Variants in DHX8 observed in about 807,000 individuals in gnomAD.
The protein encoded by DHX8 is DEAH-box helicase 8.
In DHX8, 67 loss-of-function variants were observed where a neutral mutation model predicts 140.7. The ratio of observed to expected loss-of-function variants is 0.48; its 90% CI spans 0.39 to 0.58. The LOEUF (loss-of-function observed/expected upper bound fraction) is 0.58. Ranked by LOEUF, DHX8 falls within the 20% of genes least tolerant of loss-of-function variation. The pLI is 0.00. For synonymous variants in DHX8, 533 were observed against 553.2 expected, an observed-to-expected ratio of 0.96 and a Z score of 0.51; for missense variants, 887 against 1,550.7, an observed-to-expected ratio of 0.57 and a Z score of 7.19.
At chr17:43,484,759 A>G (rs1968031745) in intron 1 of DHX8, among the ~76,000 whole-genome samples, 1 of 151,940 alleles carries the variant, frequency 6.6e-6, no homozygotes, top group South Asian at 2.1e-4. Context: ...CTCCCACCTC[A>G]GCCTCCCGAG....
chr17:43,529,762 G>C, downstream of DHX8: 1 of 1,591,344 alleles, frequency 6.3e-7, no homozygotes, highest in Non-Finnish European at 8.6e-7. Context: ...TTTCTCGAAG[G>C]GGTCTCCCCA....
Position 43,521,486 on chromosome 17 carries a change from T to A in DHX8, c.3184T>A (p.Cys1062Ser). ...GAACAACAAGTTCTCCAACCCATGG[T>A]GCTATGAGAACTTTATCCAGGCTCG... ...WKNNKFSNPW[C>S]YENFIQARSL... is the part of the protein sequence containing the mutation. The change falls in exon 21 of 23, where the codon TGC becomes AGC. Residue 1062 changes from cysteine (C) to serine (S), a missense_variant. Around this residue, in one of 9 missense-constraint regions of DHX8, gnomAD observed 101 missense variants for 168.2 expected, o/e 0.60. Coordinates refer to ENST00000262415, the MANE Select transcript of DHX8 (RefSeq NM_004941.3). 1 of 1,613,860 alleles carries A rather than the reference T, an allele frequency of 6.2e-7. No individual in the cohort carries two copies. Among genetic ancestry groups the A allele is most frequent in the African/African-American group, 1.3e-5 (1 of 74,942 alleles).
At chr17:43,526,373 T>A (rs998905452), downstream of DHX8, 39 of 1,482,568 alleles carry the variant, frequency 2.6e-5, no homozygotes, top group South Asian at 3.3e-4. Context: ...GTGTGCTGTT[T>A]GTGTATATGG....
chr17:43,531,030 A>G (rs2154587065), downstream of DHX8, among the ~76,000 whole-genome samples: 1 of 152,282 alleles, frequency 6.6e-6, no homozygotes, highest in South Asian at 2.1e-4. Context: ...GTCAGCGGCA[A>G]GAGTGCCTCC....
At chr17:43,543,413 C>A (rs1971632009) in intron 3 of DHX8, among the ~76,000 whole-genome samples, 1 of 152,044 alleles carries the variant, frequency 6.6e-6, no homozygotes, top group Non-Finnish European at 1.5e-5. Flanking sequence ...TTTTCCTCCC[C>A]CTCCCATCTC....
chr17:43,517,156 C>G lies in DHX8; in HGVS notation c.2644-11C>G. ...AACAGATATGTTGCTTTTATATGCC[C>G]ACCCCTCTAGGCTCAGGCAAAGCAA... is the stretch of plus-strand genomic sequence containing the variant. On this transcript the variant is annotated splice_polypyrimidine_tract_variant and intron_variant, in intron 17 of 22. Coordinates refer to ENST00000262415, the MANE Select transcript of DHX8 (RefSeq NM_004941.3). The G allele has an allele frequency of 6.2e-7, 1 of 1,606,190 alleles. No homozygotes were observed. Among genetic ancestry groups the G allele is most frequent in the Non-Finnish European group, 8.5e-7 (1 of 1,176,590 alleles).
chr17:43,536,298 G>A (rs571590201), intron 2 of DHX8: 20 of 806,936 alleles, frequency 2.5e-5, no homozygotes, highest in Non-Finnish European at 3.3e-5. Flanking sequence ...TTATTGCCTT[G>A]GTCTTTAAGA....
At chr17:43,540,448 G>A (rs1453117308) in intron 3 of DHX8, among the ~76,000 whole-genome samples, 1 of 152,174 alleles carries the variant, frequency 6.6e-6, no homozygotes, top group Non-Finnish European at 1.5e-5. Context: ...GTGAGACCCT[G>A]TCTCAAATAA....
chr17:43,520,050 A>C, intron 18 of DHX8, 80 bp from the exon 19 acceptor site: 1 of 1,531,764 alleles, frequency 6.5e-7, no homozygotes. Context: ...ATGGGAAATA[A>C]AGTAACAAGT....
chr17:43,514,188 A>T (rs9910921), intron 17 of DHX8, among the ~76,000 whole-genome samples: 31,857 of 92,546 alleles, frequency 0.34, 3,834 homozygotes, highest in East Asian at 0.53. Context: ...TAAAAAATTT[A>T]AAAAAAATTA....
chr17:43,506,758 T>A (rs2154586634), intron 12 of DHX8, among the ~76,000 whole-genome samples: 2 of 152,210 alleles, frequency 1.3e-5, no homozygotes, highest in Middle Eastern at 6.8e-3. Context: ...AGAAATAACT[T>A]TTGGGGAAAG....
chr17:43,501,824 C>G (rs1969216145), intron 11 of DHX8, among the ~76,000 whole-genome samples: 1 of 152,090 alleles, frequency 6.6e-6, no homozygotes, highest in African/African-American at 2.4e-5. Context: ...ATGGCATGAC[C>G]AGAGTTGCAT....
At chr17:43,485,943 T>A (rs1172168642) in intron 1 of DHX8, among the ~76,000 whole-genome samples, 1 of 152,150 alleles carries the variant, frequency 6.6e-6, no homozygotes, top group Non-Finnish European at 1.5e-5. Flanking sequence ...ACGCCTGTAA[T>A]CCCAGCACTT....
chr17:43,487,226 G>A (rs1237625599), intron 1 of DHX8, among the ~76,000 whole-genome samples: 2 of 152,152 alleles, frequency 1.3e-5, no homozygotes, highest in Admixed American at 1.3e-4. Context: ...ATTAACCATT[G>A]ACATTATCGT....
intron 2 of DHX8, chr17:43,532,748 C>T (rs1971013025): frequency 2.5e-6 from 4 of 1,613,958 alleles, no homozygotes; most frequent in Non-Finnish European, 3.4e-6. Flanking sequence ...CCCATTGACC[C>T]CACCCTGGTC....
chr17:43,525,033 A>G lies in DHX8; in HGVS notation c.*1186A>G, dbSNP rs1667713666. 5 of 985,320 alleles carry G rather than the reference A, an allele frequency of 5.1e-6. No individual in the cohort carries two copies. Among genetic ancestry groups the G allele is most frequent in the Non-Finnish European group, 6.0e-6 (5 of 829,966 alleles). 61.0% of individuals were successfully genotyped at this position (985,320 alleles called of 1,614,324 possible). A position where few individuals can be genotyped will look rare whatever the true frequency, so the allele number is the denominator to read the frequency against. ...GCTCTCCAATCCCTGGCGTCAAGCA[A>G]TCCTCCTGCCTCTGCCTCCCAAAGC... On this transcript the variant is annotated 3_prime_UTR_variant, in exon 23 of 23. Transcript: ENST00000262415.
Position 43,517,415 on chromosome 17 carries a change from C to A in DHX8, c.2799+93C>A, listed in dbSNP as rs919728345. On this transcript the variant is annotated intron_variant, in intron 18 of 22. Coordinates refer to ENST00000262415, the MANE Select transcript of DHX8 (RefSeq NM_004941.3). ...TCAGTTTTATGAACCTTGTTAAATA[C>A]TTTAGTAACCTCATGAAAGCAGTCC... The A allele has an allele frequency of 2.2e-6, 3 of 1,383,258 alleles. No homozygotes were observed. In the African/African-American group the frequency reaches 4.3e-5, roughly 20 times the overall value. The allele number at this position is 1,383,258 out of a possible 1,614,324, so 85.7% of individuals were successfully genotyped here.
intron 15 of DHX8, 133 bp from the exon 16 acceptor site, chr17:43,508,206 T>A: frequency 3.2e-6 from 4 of 1,258,796 alleles, no homozygotes; most frequent in Non-Finnish European, 4.4e-6. Flanking sequence ...AACAAACTTG[T>A]ATTGTTTACT....
chr17:43,508,219 C>A, intron 15 of DHX8, 120 bp from the exon 16 acceptor site: 1 of 1,353,746 alleles, frequency 7.4e-7, no homozygotes, highest in South Asian at 1.4e-5. Context: ...TGTTTACTTA[C>A]TGGTCAGAAT....
Sources: allele counts gnomAD v4.1 joint callset (sites outside exome capture counted in the v4.1 genomes callset), GRCh38; gene constraint gnomAD v4.1.1; regional missense constraint gnomAD v4.1.1; transcripts MANE v1.5; gene names NCBI Gene and HGNC (gene_info 2026-07-23, HGNC 2026-07-21).